XPO1: variants seen among roughly 807,000 people sequenced by gnomAD.
The protein encoded by XPO1 is exportin 1.
XPO1 carries 5 observed loss-of-function variants against 133.3 expected under a neutral mutation model. The ratio of observed to expected loss-of-function variants is 0.04; its 90% confidence interval spans 0.02 to 0.08. The LOEUF (loss-of-function observed/expected upper bound fraction) is 0.08. Ranked by LOEUF, XPO1 falls within the 10% of genes least tolerant of loss-of-function variation. The pLI is 1.00. For missense variants in XPO1, 506 were observed against 1,267.5 expected, an observed-to-expected ratio of 0.40 and a Z score of 9.12; for synonymous variants, 419 against 408.2, an observed-to-expected ratio of 1.03 and a Z score of -0.32.
chr2:61,512,501 T>C (rs1187192373), intron 4 of XPO1, among the ~76,000 whole-genome samples: 1 of 152,180 alleles, frequency 6.6e-6, no homozygotes, highest in Non-Finnish European at 1.5e-5. Context: ...GAAAGTGAGT[T>C]TGAACTGGGC....
chr2:61,522,583 C>T (rs2104749947), intron 4 of XPO1, 28 bp downstream of exon 4: 2 of 1,594,398 alleles, frequency 1.3e-6, no homozygotes, highest in Middle Eastern at 3.3e-4. Context: ...AAACAAAACT[C>T]TGAATTTATA....
intron 2 of XPO1, among the ~76,000 whole-genome samples, chr2:61,530,013 G>A (rs115401842): frequency 0.012 from 1,858 of 152,284 alleles, 37 homozygotes; most frequent in African/African-American, 0.041. Context: ...ATGACAGAAG[G>A]CCGAAAGAAT....
chr2:61,532,310 G>A (rs2104831665), intron 2 of XPO1, among the ~76,000 whole-genome samples: 1 of 151,880 alleles, frequency 6.6e-6, no homozygotes, highest in East Asian at 2.0e-4. Context: ...TGTGTTTTTA[G>A]TAGAGACGGG....
At chr2:61,501,728 A>AAAAAAAAAAAAAAAAAAAAG (rs1558649299) in intron 6 of XPO1, among the ~76,000 whole-genome samples, 1 of 138,252 alleles carries the variant, frequency 7.2e-6, no homozygotes, top group African/African-American at 2.7e-5. Flanking sequence ...CTCCAAAAAA[A>AAAAAAAAAAAAAAAAAAAAG]AAAAAAAAAG....
chr2:61,484,377 T>C, intron 20 of XPO1: 1 of 334,598 alleles, frequency 3.0e-6, no homozygotes. Context: ...ACCATAAGAC[T>C]ACTACTATCA....
chr2:61,518,417 A>AACACACACACACACAC (rs200566050), intron 4 of XPO1, among the ~76,000 whole-genome samples: 13 of 124,522 alleles, frequency 1.0e-4, no homozygotes, highest in South Asian at 7.3e-4. Flanking sequence ...CAAAAAACAA[A>AACACACACACACACAC]ACACACACAC....
chr2:61,478,674 T>A lies in XPO1; in HGVS notation c.*146A>T. ...AATGGAAGGATATTTCACAGAAAAT[T>A]TCTTATACAAAAAAACACATAAGAA... On this transcript the variant is annotated 3_prime_UTR_variant, in exon 25 of 25. Coordinates refer to ENST00000401558, the MANE Select transcript of XPO1 (RefSeq NM_003400.4). The A allele has an allele frequency of 1.3e-6, 1 of 742,016 alleles. No homozygotes were observed. The highest frequency in any genetic ancestry group is 2.7e-5 in the South Asian group (1 of 37,550). The allele number at this position is 742,016 out of a possible 1,614,324, so 46.0% of individuals were successfully genotyped here.
intron 2 of XPO1, among the ~76,000 whole-genome samples, chr2:61,528,380 A>C (rs777212815): frequency 6.6e-6 from 1 of 152,072 alleles, no homozygotes; most frequent in African/African-American, 2.4e-5. Flanking sequence ...TACGCCTGTA[A>C]TCCTGGCACT....
At chr2:61,522,411 C>A (rs1000095389) in intron 4 of XPO1, among the ~76,000 whole-genome samples, 200 bp downstream of exon 4, 2 of 152,144 alleles carry the variant, frequency 1.3e-5, no homozygotes, top group Admixed American at 1.3e-4. Context: ...CCAGTCTCCT[C>A]TTTCTCCCAA....
chr2:61,488,185 G>T lies in XPO1; in HGVS notation c.2293C>A (p.Arg765=). 1 of 1,613,784 alleles carries T rather than the reference G, an allele frequency of 6.2e-7. No individual in the cohort carries two copies. Among genetic ancestry groups the T allele is most frequent in the Non-Finnish European group, 8.5e-7 (1 of 1,179,868 alleles). ...TLKLISGWVS[R]SNDPQMVAEN... ...CTTACCATCTGTGGATCATTGGATC[G>T]GCTCACCCAACCAGATATTAACTTT... is the stretch of plus-strand genomic sequence containing the variant. The change falls in exon 19 of 25, where the codon CGA becomes AGA. Residue 765 remains arginine (R), a synonymous_variant. Coordinates refer to ENST00000401558, the MANE Select transcript of XPO1 (RefSeq NM_003400.4).
At chr2:61,487,962 G>A (rs1210005812) in intron 19 of XPO1, among the ~76,000 whole-genome samples, 4 of 152,046 alleles carry the variant, frequency 2.6e-5, no homozygotes, top group South Asian at 2.1e-4. Flanking sequence ...ACCACCCTTC[G>A]CTACTGATTA....
At chr2:61,482,674 T>C (rs1340166532) in intron 22 of XPO1, 135 bp from the exon 23 acceptor site, 1 of 890,650 alleles carries the variant, frequency 1.1e-6, no homozygotes, top group Non-Finnish European at 1.6e-6. Flanking sequence ...GGCGCAATCT[T>C]AGTTCACTGC....
At chr2:61,518,085 G>GC (rs1190018137) in intron 4 of XPO1, among the ~76,000 whole-genome samples, 1 of 151,336 alleles carries the variant, frequency 6.6e-6, no homozygotes, top group African/African-American at 2.4e-5. Flanking sequence ...AGCCAAGACT[G>GC]CGCCACTGCA....
intron 24 of XPO1, 130 bp from the exon 25 acceptor site, chr2:61,479,096 A>G: frequency 9.5e-7 from 1 of 1,056,638 alleles, no homozygotes; most frequent in Non-Finnish European, 1.3e-6. Context: ...TGGGTTTTAA[A>G]TTATAGGATA....
In XPO1 at chr2:61,482,444, T is replaced by G. The variant is rs994165992; in HGVS notation, c.2908A>C (p.Asn970His). ...ACATATTCCTGAAGAAAGATTTGGT[T>G]GTTAACTGGATTTCCAGGATTTAAT... ...TSLNPGNPVNNQIFLQEYVAN... is the reference protein window; with the variant it reads ...TSLNPGNPVNHQIFLQEYVAN... Residue 970 changes from asparagine (N) to histidine (H), a missense_variant, in exon 23 of 25, where the codon AAC (asparagine) becomes CAC (histidine). Around this residue, in one of 6 missense-constraint regions of XPO1, gnomAD observed 203 missense variants for 365.9 expected, o/e 0.55. Transcript: ENST00000401558. The G allele has an allele frequency of 1.2e-6, 2 of 1,613,818 alleles. No homozygotes were observed. The highest frequency in any genetic ancestry group is 1.7e-6 in the Non-Finnish European group (2 of 1,179,916).
At chr2:61,493,465 C>A (rs1166895862) in intron 12 of XPO1, 1 of 195,134 alleles carries the variant, frequency 5.1e-6, no homozygotes. Context: ...TATGACCACG[C>A]CACTGCACTC....
chr2:61,478,545 C>A lies in XPO1; in HGVS notation c.*275G>T, dbSNP rs1696172591. 1 of 373,438 alleles carries A rather than the reference C, an allele frequency of 2.7e-6. No individual in the cohort carries two copies. The highest frequency in any genetic ancestry group is 4.8e-6 in the Non-Finnish European group (1 of 210,060). 23.1% of individuals were successfully genotyped at this position (373,438 alleles called of 1,614,324 possible). A position where few individuals can be genotyped will look rare whatever the true frequency, so the allele number is the denominator to read the frequency against. Reference sequence around the variant, plus strand: ...GTTCAAATCGAATTTGCCTCCTCCCCCCAGCCCAGCCACAAAAATGGGCAT... The same window carrying A: ...GTTCAAATCGAATTTGCCTCCTCCCACCAGCCCAGCCACAAAAATGGGCAT... On this transcript the variant is annotated 3_prime_UTR_variant, in exon 25 of 25. Coordinates refer to ENST00000401558, the MANE Select transcript of XPO1 (RefSeq NM_003400.4).
intron 4 of XPO1, among the ~76,000 whole-genome samples, chr2:61,505,866 T>C (rs1697783704): frequency 6.6e-6 from 1 of 152,194 alleles, no homozygotes; most frequent in Non-Finnish European, 1.5e-5. Flanking sequence ...TTCTGACTCT[T>C]ATACTGTATA....
intron 24 of XPO1, among the ~76,000 whole-genome samples, chr2:61,479,566 T>C: frequency 6.6e-6 from 1 of 152,224 alleles, no homozygotes; most frequent in East Asian, 1.9e-4. Flanking sequence ...CCCCTAAGTA[T>C]ATACACCTAC....
Sources: gnomAD v4.1 joint callset for allele counts (sites outside exome capture counted in the v4.1 genomes callset) on GRCh38, gnomAD v4.1.1 for gene constraint, gnomAD v4.1.1 regional missense constraint, MANE v1.5 for transcripts, NCBI Gene and HGNC (gene_info 2026-07-23, HGNC 2026-07-21) for gene names.